Variants in ZNF385D observed in about 807,000 individuals in gnomAD.
ZNF385D encodes the protein zinc finger protein 385D, also known as zinc finger protein 659.
In ZNF385D, 15 loss-of-function variants were observed where a neutral mutation model predicts 35.8. The observed-to-expected ratio is 0.42, with a 90% CI of 0.28 to 0.64. The LOEUF (loss-of-function observed/expected upper bound fraction) is 0.64. ZNF385D is among the 30% of genes least tolerant of loss of function. ZNF385D has a pLI of 0.23. For missense variants in ZNF385D, 474 were observed against 494.6 expected, an observed-to-expected ratio of 0.96 and a Z score of 0.39; for synonymous variants, 212 against 186.8, an observed-to-expected ratio of 1.13 and a Z score of -1.10.
At chr3:21,792,337 G>A (rs1350191874) in intron 3 of ZNF385D, among the ~76,000 whole-genome samples, 1 of 152,060 alleles carries the variant, frequency 6.6e-6, no homozygotes, top group Non-Finnish European at 1.5e-5. Context: ...TGTCTCTAGG[G>A]AAGTAAACAT....
intron 3 of ZNF385D, among the ~76,000 whole-genome samples, chr3:22,144,044 G>A (rs1704689808): frequency 1.3e-5 from 2 of 152,170 alleles, no homozygotes; most frequent in Non-Finnish European, 2.9e-5. Context: ...ACTGACTGAA[G>A]AGTGAAATGT....
chr3:21,791,405 A>AGT (rs2071921182), intron 3 of ZNF385D, among the ~76,000 whole-genome samples: 2 of 152,240 alleles, frequency 1.3e-5, no homozygotes, highest in South Asian at 4.1e-4. Context: ...TATGAGCAAT[A>AGT]GTGACAAGAA....
In ZNF385D at chr3:22,024,530, A is replaced by G. The variant is rs1024262049; in HGVS notation, c.325+144287T>C. On this transcript the variant is annotated intron_variant, in intron 3 of 5. Transcript: ENST00000494108. ...TCTAATAGTATGGAGAACTAATAGT[A>G]TAATAGTTATAATATTAATAGTATG... Among the ~76,000 whole-genome samples, 7 of 152,216 alleles carry G rather than the reference A, an allele frequency of 4.6e-5. No homozygotes were observed. In the South Asian group the frequency reaches 6.2e-4, roughly 14 times the overall value.
chr3:22,220,211 G>C (rs1291858208), intron 2 of ZNF385D, among the ~76,000 whole-genome samples: 1 of 151,696 alleles, frequency 6.6e-6, no homozygotes, highest in African/African-American at 2.4e-5. Flanking sequence ...CCACAGGCAC[G>C]TGCCACCACA....
At chr3:22,160,711 C>T (rs1476669291) in intron 3 of ZNF385D, among the ~76,000 whole-genome samples, 1 of 152,048 alleles carries the variant, frequency 6.6e-6, no homozygotes, top group East Asian at 1.9e-4. Context: ...CACCAAAAGA[C>T]TCTAGAATAC....
intron 3 of ZNF385D, among the ~76,000 whole-genome samples, chr3:22,006,116 G>A (rs902765786): frequency 3.9e-5 from 6 of 152,074 alleles, no homozygotes; most frequent in Admixed American, 1.3e-4. Flanking sequence ...GATGATCTGG[G>A]CTTAGATCAC....
At chr3:22,269,958 T>C (rs954681598) in intron 2 of ZNF385D, among the ~76,000 whole-genome samples, 3 of 151,866 alleles carry the variant, frequency 2.0e-5, no homozygotes, top group South Asian at 2.1e-4. Context: ...TGCTCTTTAG[T>C]AGTGTATAGC....
chr3:22,029,899 T>C (rs113432877), intron 3 of ZNF385D, among the ~76,000 whole-genome samples: 8,115 of 152,030 alleles, frequency 0.053, 235 homozygotes, highest in Middle Eastern at 0.085. Flanking sequence ...ATCAACTTGA[T>C]TGGATTGAAC....
chr3:22,346,470 A>T (rs775902324), intron 2 of ZNF385D, among the ~76,000 whole-genome samples: 2 of 152,230 alleles, frequency 1.3e-5, no homozygotes, highest in African/African-American at 2.4e-5. Context: ...AAGTGCTTTT[A>T]TATTCACTAT....
chr3:21,847,215 AC>A lies in ZNF385D; in HGVS notation c.326-182188del, dbSNP rs534343710. On this transcript the variant is annotated intron_variant, in intron 3 of 5. Coordinates refer to the ZNF385D transcript ENST00000494108. ...ATTTTATGAGTCATGGTACCAAAAA[AC>A]CCTGAATGAATAAAAGAGGTGCTAC... is the stretch of plus-strand genomic sequence containing the variant. 5.5e-4 allele frequency among the ~76,000 whole-genome samples: 84 copies of A among 151,962 alleles called. 1 individual carries two copies. The South Asian group carries it at 8.9e-3, about 16-fold the overall frequency.
At chr3:21,888,521 AGAAG>A (rs1377046837) in intron 3 of ZNF385D, among the ~76,000 whole-genome samples, 1 of 152,192 alleles carries the variant, frequency 6.6e-6, no homozygotes, top group African/African-American at 2.4e-5. Flanking sequence ...ATCAAACACC[AGAAG>A]GAACAACCGA....
intron 2 of ZNF385D, among the ~76,000 whole-genome samples, chr3:21,631,590 A>G (rs573632369): frequency 6.6e-6 from 1 of 152,300 alleles, no homozygotes; most frequent in East Asian, 1.9e-4. Flanking sequence ...ACAAAAATGT[A>G]TAATGGCACA....
intron 1 of ZNF385D, among the ~76,000 whole-genome samples, chr3:21,692,098 T>C (rs2067304650): frequency 6.6e-6 from 1 of 152,210 alleles, no homozygotes; most frequent in Admixed American, 6.5e-5. Context: ...CCACTGCACA[T>C]ATATATTATA....
At chr3:21,875,404 C>T (rs2125853969) in intron 3 of ZNF385D, among the ~76,000 whole-genome samples, 1 of 151,992 alleles carries the variant, frequency 6.6e-6, no homozygotes, top group South Asian at 2.1e-4. Flanking sequence ...GCTTTGGATC[C>T]CACTTTAGTC....
chr3:22,126,284 A>ATCAT (rs1380069776), intron 3 of ZNF385D, among the ~76,000 whole-genome samples: 2 of 145,536 alleles, frequency 1.4e-5, no homozygotes, highest in African/African-American at 5.1e-5. Context: ...TTTAAGATGC[A>ATCAT]TCATTAGGTT....
At chr3:21,888,069 C>T (rs946100760) in intron 3 of ZNF385D, among the ~76,000 whole-genome samples, 2 of 152,062 alleles carry the variant, frequency 1.3e-5, no homozygotes, top group Non-Finnish European at 2.9e-5. Flanking sequence ...TATTCAAACT[C>T]AATAATTGCT....
intron 3 of ZNF385D, among the ~76,000 whole-genome samples, chr3:21,965,466 A>G (rs1013395686): frequency 6.6e-6 from 1 of 151,102 alleles, no homozygotes; most frequent in South Asian, 2.1e-4. Flanking sequence ...AAAAAATCTA[A>G]TATCAGAAAA....
chr3:21,730,387 C>A (rs919462979), intron 1 of ZNF385D, among the ~76,000 whole-genome samples: 1 of 152,170 alleles, frequency 6.6e-6, no homozygotes, highest in African/African-American at 2.4e-5. Flanking sequence ...AGCTTTTGCA[C>A]ATTTTTAAGC....
At chr3:21,843,552 A>T (rs555153151) in intron 3 of ZNF385D, among the ~76,000 whole-genome samples, 2 of 152,128 alleles carry the variant, frequency 1.3e-5, no homozygotes, top group African/African-American at 4.8e-5. Context: ...ATCTATTTAT[A>T]TGTTAATCCA....
Sources: gnomAD v4.1 joint callset for allele counts (sites outside exome capture counted in the v4.1 genomes callset) on GRCh38, gnomAD v4.1.1 for gene constraint, MANE v1.5 for transcripts, NCBI Gene and HGNC (gene_info 2026-07-23, HGNC 2026-07-21) for gene names.